The following PACRG variants were observed in gnomAD, a reference collection of about 807,000 sequenced individuals.
PACRG encodes the protein parkin coregulated.
Under a neutral mutation model 29.7 loss-of-function variants are expected in PACRG, and 29 were observed. That is an observed-to-expected ratio of 0.98 (90% CI 0.73 to 1.33). The LOEUF (loss-of-function observed/expected upper bound fraction) is 1.33. Among genes scored for constraint, PACRG ranks in the 40% most tolerant of loss-of-function variants. The pLI is 0.00. For missense variants in PACRG, 279 were observed against 316.2 expected (o/e 0.88, Z 0.89); for synonymous variants, 116 against 118.7 (o/e 0.98, Z 0.15).
In PACRG at chr6:162,939,995, A is replaced by G. The variant is rs974685947; in HGVS notation, c.292-122155A>G. Among the ~76,000 whole-genome samples, 38 of 152,210 alleles carry G rather than the reference A, an allele frequency of 2.5e-4. 1 individual carries two copies. The highest frequency in any genetic ancestry group is 8.9e-4 in the African/African-American group (37 of 41,448). On this transcript the variant is annotated intron_variant, in intron 2 of 4. Transcript: ENST00000366888. ...TATTTTCTCAAATGAAGCTAAGCCAAACCCATTATTTAAGTTTGTTGCTAA... is the reference window on the plus strand; with the variant it reads ...TATTTTCTCAAATGAAGCTAAGCCAGACCCATTATTTAAGTTTGTTGCTAA...
chr6:162,771,559 G>A (rs563077549), intron 1 of PACRG, among the ~76,000 whole-genome samples: 4 of 152,072 alleles, frequency 2.6e-5, no homozygotes, highest in South Asian at 2.1e-4. Flanking sequence ...GCATTTTTAC[G>A]AAGACCAGGT....
intron 1 of PACRG, among the ~76,000 whole-genome samples, chr6:162,753,456 A>C (rs879697569): frequency 6.6e-6 from 1 of 152,222 alleles, no homozygotes; most frequent in Admixed American, 6.5e-5. Flanking sequence ...AAGGCTGAAT[A>C]GTATTACATT....
intron 2 of PACRG, among the ~76,000 whole-genome samples, chr6:162,976,418 A>G (rs1298641144): frequency 1.3e-5 from 2 of 152,172 alleles, no homozygotes; most frequent in African/African-American, 4.8e-5. Flanking sequence ...TCTTTAACTA[A>G]CAGGACTGGA....
At chr6:162,907,252 C>T (rs1307321736) in intron 2 of PACRG, among the ~76,000 whole-genome samples, 1 of 151,942 alleles carries the variant, frequency 6.6e-6, no homozygotes, top group East Asian at 1.9e-4. Flanking sequence ...ACGGCTGCTC[C>T]CTGTTCTATA....
intron 2 of PACRG, among the ~76,000 whole-genome samples, chr6:162,905,881 C>T (rs542047783): frequency 1.6e-4 from 24 of 152,250 alleles, no homozygotes; most frequent in African/African-American, 4.8e-4. Context: ...GCAGAGACAG[C>T]AGGCATGAAC....
At chr6:163,167,467 CAT>C (rs1289795171) in intron 4 of PACRG, among the ~76,000 whole-genome samples, 2 of 152,092 alleles carry the variant, frequency 1.3e-5, no homozygotes, top group Non-Finnish European at 2.9e-5. Flanking sequence ...TTTTGAGACT[CAT>C]GTGAATAATA....
chr6:163,124,678 C>T (rs1186151910), intron 4 of PACRG, among the ~76,000 whole-genome samples: 1 of 152,120 alleles, frequency 6.6e-6, no homozygotes, highest in Non-Finnish European at 1.5e-5. Flanking sequence ...GGAGCAGTGC[C>T]GTAGAGTCAA....
intron 2 of PACRG, among the ~76,000 whole-genome samples, chr6:162,877,705 C>T (rs1793489582): frequency 1.3e-5 from 2 of 151,950 alleles, no homozygotes; most frequent in South Asian, 2.1e-4. Context: ...ATATATAAGA[C>T]ATGTTTTATA....
chr6:163,233,858 G>A (rs1441371070), intron 4 of PACRG, among the ~76,000 whole-genome samples: 1 of 152,230 alleles, frequency 6.6e-6, no homozygotes, highest in Non-Finnish European at 1.5e-5. Context: ...TGTAGGGAAG[G>A]AGGGAAATTG....
chr6:162,792,219 G>A (rs1231423904), intron 1 of PACRG, among the ~76,000 whole-genome samples: 2 of 152,044 alleles, frequency 1.3e-5, no homozygotes, highest in Non-Finnish European at 2.9e-5. Context: ...GCAAACTAAG[G>A]GTGGGTTAAG....
At chr6:162,996,127 CTCGTGTGTGTG>C in intron 2 of PACRG, among the ~76,000 whole-genome samples, 1 of 152,242 alleles carries the variant, frequency 6.6e-6, no homozygotes, top group South Asian at 2.1e-4. Context: ...CTTCTCACCA[CTCGTGTGTGTG>C]CATGCACACA....
At chr6:162,798,276 A>G (rs1347047138) in intron 1 of PACRG, among the ~76,000 whole-genome samples, 2 of 152,110 alleles carry the variant, frequency 1.3e-5, no homozygotes, top group Admixed American at 1.3e-4. Context: ...TGCCTCTTTG[A>G]TCCACAAATG....
chr6:162,879,487 A>AG (rs1235571487), intron 2 of PACRG, among the ~76,000 whole-genome samples: 13 of 152,192 alleles, frequency 8.5e-5, no homozygotes, highest in African/African-American at 3.1e-4. Context: ...TGAGGGGGGC[A>AG]GGGGACAGTT....
At chr6:163,125,795 C>G (rs1421221164) in intron 4 of PACRG, among the ~76,000 whole-genome samples, 2 of 152,112 alleles carry the variant, frequency 1.3e-5, no homozygotes, top group African/African-American at 2.4e-5. Context: ...CCATTCAACC[C>G]CTAAACTCTA....
At chr6:163,217,372 C>T (rs965789484) in intron 4 of PACRG, among the ~76,000 whole-genome samples, 3 of 152,234 alleles carry the variant, frequency 2.0e-5, no homozygotes, top group African/African-American at 7.2e-5. Flanking sequence ...ACAGGAAGGC[C>T]AGGGTTCCAG....
At chr6:163,110,021 G>T (rs1307356713) in intron 4 of PACRG, among the ~76,000 whole-genome samples, 1 of 148,302 alleles carries the variant, frequency 6.7e-6, no homozygotes, top group African/African-American at 2.6e-5. Flanking sequence ...TGGCCACTGA[G>T]ATTTCTAGTG....
At chr6:162,773,639 C>T (rs566884581) in intron 1 of PACRG, among the ~76,000 whole-genome samples, 117 of 151,054 alleles carry the variant, frequency 7.7e-4, no homozygotes, top group African/African-American at 2.7e-3. Context: ...CTCAGCCTCC[C>T]GAGTAGCTGG....
chr6:162,756,551 C>T lies in PACRG; in HGVS notation c.156+28160C>T, dbSNP rs548934361. Among the ~76,000 whole-genome samples the T allele has an allele frequency of 2.0e-5, 3 of 152,016 alleles. No homozygotes were observed. In the South Asian group the frequency reaches 6.2e-4, roughly 32 times the overall value. ...TGTGTGTCATGACTAGTGAAGTGAC[C>T]CTCTTATAGGCAGCATGTGGTTGGA... is the stretch of plus-strand genomic sequence containing the variant. On this transcript the variant is annotated intron_variant, in intron 1 of 4. Coordinates refer to ENST00000366888, the MANE Select transcript of PACRG (RefSeq NM_001080379.2).
At chr6:163,264,834 G>A (rs1783468059) in intron 4 of PACRG, among the ~76,000 whole-genome samples, 1 of 152,152 alleles carries the variant, frequency 6.6e-6, no homozygotes, top group Admixed American at 6.5e-5. Flanking sequence ...TCTGGCAACT[G>A]TGCACAGAAA....
Sources: gnomAD v4.1 joint callset for allele counts (sites outside exome capture counted in the v4.1 genomes callset) on GRCh38, gnomAD v4.1.1 for gene constraint, MANE v1.5 for transcripts, NCBI Gene and HGNC (gene_info 2026-07-23, HGNC 2026-07-21) for gene names.